The following RMND1 variants were observed in gnomAD, a reference collection of about 807,000 sequenced individuals.
RMND1 encodes the protein required for meiotic nuclear division protein 1 homolog.
A neutral mutation model predicts 54.0 loss-of-function variants in RMND1; 41 were observed. The ratio of observed to expected loss-of-function variants is 0.76; its 90% CI spans 0.59 to 0.98. RMND1 has a LOEUF of 0.98. Ranked by LOEUF, RMND1 falls within the 50% of genes least tolerant of loss-of-function variation. RMND1 has a pLI of 0.00. For synonymous variants in RMND1, 183 were observed against 181.7 expected (o/e 1.01, Z -0.06); for missense variants, 457 against 532.0 (o/e 0.86, Z 1.39).
At chr6:151,440,551 G>A (rs539401744) in intron 2 of RMND1, among the ~76,000 whole-genome samples, 2 of 152,258 alleles carry the variant, frequency 1.3e-5, no homozygotes, top group East Asian at 1.9e-4. Flanking sequence ...TTTGTTGTAG[G>A]TTTTCCAGAC....
intron 3 of RMND1, among the ~76,000 whole-genome samples, chr6:151,434,692 T>G (rs1476076818): frequency 6.6e-6 from 1 of 152,236 alleles, no homozygotes; most frequent in African/African-American, 2.4e-5. Flanking sequence ...ATTATCACAA[T>G]GATATTTCAA....
intron 10 of RMND1, among the ~76,000 whole-genome samples, chr6:151,408,175 G>A (rs1343923531): frequency 1.3e-5 from 2 of 152,046 alleles, no homozygotes; most frequent in African/African-American, 4.8e-5. Context: ...GGACAACCTA[G>A]AAGAAAGTGC....
chr6:151,433,004 C>T, intron 4 of RMND1, 151 bp downstream of exon 4: 2 of 531,198 alleles, frequency 3.8e-6, no homozygotes, highest in Non-Finnish European at 6.7e-6. Context: ...GACAAACTCT[C>T]CTAGATTAAA....
intron 1 of RMND1, among the ~76,000 whole-genome samples, chr6:151,448,387 C>T (rs1453472372): frequency 2.4e-5 from 3 of 127,068 alleles, no homozygotes; most frequent in Admixed American, 7.5e-5. Flanking sequence ...TCACTTCCTC[C>T]ATATCCAGTT....
chr6:151,423,132 G>A (rs1335333214), intron 7 of RMND1, among the ~76,000 whole-genome samples: 1 of 152,150 alleles, frequency 6.6e-6, no homozygotes, highest in East Asian at 1.9e-4. Flanking sequence ...CTGTGACTCT[G>A]GGTCCCATTC....
intron 10 of RMND1, among the ~76,000 whole-genome samples, chr6:151,410,247 G>T (rs780897135): frequency 6.6e-6 from 1 of 151,998 alleles, no homozygotes; most frequent in Non-Finnish European, 1.5e-5. Flanking sequence ...AGTAGAGACG[G>T]GGTCTCACCA....
chr6:151,440,754 TTTGTTTTC>T (rs1184108765), intron 2 of RMND1, among the ~76,000 whole-genome samples: 1 of 152,218 alleles, frequency 6.6e-6, no homozygotes, highest in Non-Finnish European at 1.5e-5. Flanking sequence ...TTGTTTTGGT[TTTGTTTTC>T]TTTGCTTTTT....
Position 151,447,216 on chromosome 6 carries a change from C to G in RMND1, c.-14-1391G>C, listed in dbSNP as rs185203863. Among the ~76,000 whole-genome samples the G allele has an allele frequency of 4.6e-5, 7 of 152,178 alleles. 1 individual carries two copies. The South Asian group carries it at 1.0e-3, about 23-fold the overall frequency. On this transcript the variant is annotated intron_variant, in intron 1 of 11. Coordinates refer to ENST00000444024, the MANE Select transcript of RMND1 (RefSeq NM_017909.4). Reference sequence around the variant, plus strand: ...TGCAGGAGGTAAGGACCAAAAGAGCCGATGGCCAGATCACCAAAGGATATA... The same window carrying G: ...TGCAGGAGGTAAGGACCAAAAGAGCGGATGGCCAGATCACCAAAGGATATA...
At position 151,404,978 on chromosome 6, in the gene RMND1, C is replaced by A. The variant is rs533407638; in HGVS notation, c.*257G>T. The A allele has an allele frequency of 1.9e-5, 7 of 375,892 alleles. No individual in the cohort carries two copies. In the South Asian group the frequency reaches 2.3e-4, roughly 12 times the overall value. The allele number at this position is 375,892 out of a possible 1,614,324, so 23.3% of individuals were successfully genotyped here. ...CCGCCTCCCAAGTTCAAGAGATTCT[C>A]CTGCCTCAGCCTCCTGAGTAGCTGA... On this transcript the variant is annotated 3_prime_UTR_variant, in exon 12 of 12. Coordinates refer to ENST00000444024, the MANE Select transcript of RMND1 (RefSeq NM_017909.4).
chr6:151,445,924 T>G, intron 1 of RMND1, 99 bp from the exon 2 acceptor site: 1 of 1,075,072 alleles, frequency 9.3e-7, no homozygotes, highest in Non-Finnish European at 1.3e-6. Context: ...TAGAAAAATT[T>G]GTAAAACAGA....
rs1222766377 is a variant in RMND1, at chr6:151,407,916, CAA to C, written c.1201-2082_1201-2081del. Among the ~76,000 whole-genome samples the C allele has an allele frequency of 6.6e-5, 10 of 151,778 alleles. No homozygotes were observed. In the East Asian group the frequency reaches 1.6e-3, roughly 24 times the overall value. On this transcript the variant is annotated intron_variant, in intron 10 of 11. Coordinates refer to ENST00000444024, the MANE Select transcript of RMND1 (RefSeq NM_017909.4). ...ACAGAGCGAGACTCCGTCACACACA[CAA>C]AAAAAAGTCACTATTACCACAGCAT... is the stretch of plus-strand genomic sequence containing the variant.
intron 10 of RMND1, among the ~76,000 whole-genome samples, chr6:151,406,112 C>T (rs1444309370): frequency 2.0e-5 from 3 of 152,138 alleles, no homozygotes; most frequent in Non-Finnish European, 4.4e-5. Context: ...TTAGTAGCTG[C>T]CCTTTTTAGC....
chr6:151,421,011 AATGTAG>A, intron 9 of RMND1: 1 of 364,894 alleles, frequency 2.7e-6, no homozygotes, highest in African/African-American at 2.1e-5. Flanking sequence ...ATGTGGGTTT[AATGTAG>A]ATGAATCGTG....
chr6:151,435,607 CAG>C (rs778726909), intron 3 of RMND1, among the ~76,000 whole-genome samples: 32 of 150,824 alleles, frequency 2.1e-4, no homozygotes, highest in Non-Finnish European at 3.7e-4. Context: ...TTAGTAGAGA[CAG>C]GGGTTTCTCT....
rs115213283 is a variant in RMND1 at position 151,441,182 on chromosome 6, T to C, written c.504+4126A>G. ...TTCTTGTTTTAGGAGCATCGCATGCTCTGATCAGAACATTTTTTTAAAAAT... is the reference window on the plus strand; with the variant it reads ...TTCTTGTTTTAGGAGCATCGCATGCCCTGATCAGAACATTTTTTTAAAAAT... On this transcript the variant is annotated intron_variant, in intron 2 of 11. Transcript: ENST00000444024. 2.2e-3 allele frequency among the ~76,000 whole-genome samples: 338 copies of C among 152,360 alleles called. 2 individuals carry two copies. Among genetic ancestry groups the C allele is most frequent in the Middle Eastern group, 0.01 (3 of 294 alleles).
At chr6:151,451,681 G>C (rs1351708407) in intron 1 of RMND1, among the ~76,000 whole-genome samples, 1 of 152,152 alleles carries the variant, frequency 6.6e-6, no homozygotes, top group African/African-American at 2.4e-5. Context: ...AACTTTTAGA[G>C]AACAATTACA....
chr6:151,446,082 T>A, intron 1 of RMND1: 1 of 360,290 alleles, frequency 2.8e-6, no homozygotes, highest in Non-Finnish European at 5.0e-6. Flanking sequence ...TTAAAAAAAA[T>A]AGTGATGGGA....
rs539164292 is a variant in RMND1, at chr6:151,411,071, T to C, written c.1201-5235A>G. Among the ~76,000 whole-genome samples, 8 of 152,306 alleles carry C rather than the reference T, an allele frequency of 5.3e-5. No homozygotes were observed. In the East Asian group the frequency reaches 1.2e-3, roughly 22 times the overall value. ...GCCTCCCAAGTTCAAGTGATTCTAG[T>C]GCCTCAGCCCCTCAAGTACCTGGGA... On this transcript the variant is annotated intron_variant, in intron 10 of 11. Transcript: ENST00000444024.
intron 1 of RMND1, among the ~76,000 whole-genome samples, chr6:151,450,066 C>T (rs1209292709): frequency 6.6e-5 from 10 of 151,994 alleles, no homozygotes; most frequent in Non-Finnish European, 1.3e-4. Flanking sequence ...CTGCCTGGCC[C>T]CCCATCGTCT....
Sources: gnomAD v4.1 joint callset for allele counts (sites outside exome capture counted in the v4.1 genomes callset) on GRCh38, gnomAD v4.1.1 for gene constraint, MANE v1.5 for transcripts, NCBI Gene and HGNC (gene_info 2026-07-23, HGNC 2026-07-21) for gene names.